Variants in FRY observed in about 807,000 individuals in gnomAD.
FRY encodes the protein protein furry homolog.
Under a neutral mutation model 348.4 loss-of-function variants are expected in FRY, and 128 were observed. The ratio of observed to expected loss-of-function variants is 0.37; its 90% CI spans 0.32 to 0.43. The LOEUF is 0.43. FRY is among the 20% of genes least tolerant of loss of function. The pLI is 1.00. For missense variants in FRY, 2,736 were observed against 3,695.2 expected (o/e 0.74, Z 6.73); for synonymous variants, 1,370 against 1,374.7 (o/e 1.00, Z 0.08).
Position 32,124,693 on chromosome 13 carries a change from T to A in FRY, c.635+12T>A. 6.5e-7 allele frequency: 1 copy of A among 1,541,902 alleles called. No individual in the cohort carries two copies. Reference sequence around the variant, plus strand: ...AAATACAAAGAAGGGTAAGATGATTTCTCACCTTAGAATGTTGAAGTTGGT... The same window carrying A: ...AAATACAAAGAAGGGTAAGATGATTACTCACCTTAGAATGTTGAAGTTGGT... On this transcript the variant is annotated intron_variant, in intron 6 of 60. Coordinates refer to ENST00000542859, the MANE Select transcript of FRY (RefSeq NM_023037.3).
At chr13:32,178,122 AGG>A in intron 20 of FRY, 53 bp from the exon 21 acceptor site, 1 of 1,592,464 alleles carries the variant, frequency 6.3e-7, no homozygotes, top group Non-Finnish European at 8.6e-7. Flanking sequence ...AGCCTTGATG[AGG>A]ATGGATAACT....
intron 29 of FRY, among the ~76,000 whole-genome samples, chr13:32,199,647 C>T (rs1013371092): frequency 4.6e-5 from 7 of 152,184 alleles, no homozygotes; most frequent in Non-Finnish European, 1.0e-4. Flanking sequence ...AACTTGCAGC[C>T]CTGTGAGTGA....
Position 32,186,375 on chromosome 13 carries a change from T to C in FRY, c.3435T>C (p.Ser1145=), listed in dbSNP as rs777120926. 19 of 1,609,222 alleles carry C rather than the reference T, an allele frequency of 1.2e-5. No individual in the cohort carries two copies. The South Asian group carries it at 2.0e-4, about 17-fold the overall frequency. The change falls in exon 27 of 61, where the codon AGT becomes AGC. Residue 1145 remains serine, a synonymous_variant. Coordinates refer to ENST00000542859, the MANE Select transcript of FRY (RefSeq NM_023037.3). ...TGTTCACTCCTCTGGATCGTTACAG[T>C]GACAGAAATCATCAGATTACAAGAT... ...SIMFTPLDRY[S]DRNHQITRYQ...
chr13:32,073,544 GGTGTGTGT>G (rs35631279), intron 1 of FRY, among the ~76,000 whole-genome samples: 5 of 148,518 alleles, frequency 3.4e-5, no homozygotes, highest in African/African-American at 1.2e-4. Context: ...TATGTGGGCG[GGTGTGTGT>G]GTGTGTGTGT....
At chr13:32,076,991 A>T (rs1187099316) in intron 1 of FRY, among the ~76,000 whole-genome samples, 2 of 152,258 alleles carry the variant, frequency 1.3e-5, no homozygotes, top group East Asian at 3.8e-4. Context: ...CAAACTGATC[A>T]GTGAGGACTG....
Position 32,068,015 on chromosome 13 carries a change from C to T in FRY, c.71-10819C>T, listed in dbSNP as rs572427109. ...ATCACCTGGGGACTGGTTAGAAATGCAGACTCTCCAGTCTCACCCCAGACT... is the reference window on the plus strand; with the variant it reads ...ATCACCTGGGGACTGGTTAGAAATGTAGACTCTCCAGTCTCACCCCAGACT... On this transcript the variant is annotated intron_variant, in intron 1 of 60. Coordinates refer to ENST00000542859, the MANE Select transcript of FRY (RefSeq NM_023037.3). Among the ~76,000 whole-genome samples the T allele has an allele frequency of 8.5e-5, 13 of 152,214 alleles. No individual in the cohort carries two copies. In the South Asian group the frequency reaches 2.7e-3, roughly 32 times the overall value.
chr13:32,226,008 A>C (rs45612031), intron 39 of FRY, 34 bp downstream of exon 39: 59,925 of 1,594,388 alleles, frequency 0.038, 1,254 homozygotes, highest in Middle Eastern at 0.046. Context: ...AGCCTAGGAC[A>C]GTTACAAATG....
At chr13:32,118,570 AT>A (rs1007977475) in intron 4 of FRY, among the ~76,000 whole-genome samples, 3 of 151,904 alleles carry the variant, frequency 2.0e-5, no homozygotes, top group Non-Finnish European at 2.9e-5. Flanking sequence ...TTCGTATTGA[AT>A]TTTTTTTAGT....
chr13:32,178,585 A>T, intron 21 of FRY, 149 bp downstream of exon 21: 1 of 960,584 alleles, frequency 1.0e-6, no homozygotes, highest in Non-Finnish European at 1.6e-6. Flanking sequence ...ACATTAAAAA[A>T]ATTTTGTCTA....
At chr13:32,283,210 C>T (rs1888899739) in intron 58 of FRY, among the ~76,000 whole-genome samples, 1 of 151,986 alleles carries the variant, frequency 6.6e-6, no homozygotes, top group Non-Finnish European at 1.5e-5. Flanking sequence ...AAACAGAATT[C>T]CTGGTGTCTC....
rs902869823 is a variant in FRY, at chr13:32,041,381, C to G, written c.70+9516C>G. 2.1e-5 allele frequency among the ~76,000 whole-genome samples: 3 copies of G among 144,288 alleles called. No homozygotes were observed. The Admixed American group carries it at 2.2e-4, about 11-fold the overall frequency. 94.7% of individuals were successfully genotyped at this position (144,288 alleles called of 152,430 possible). A position where few individuals can be genotyped will look rare whatever the true frequency, so the allele number is the denominator to read the frequency against. On this transcript the variant is annotated intron_variant, in intron 1 of 60. Coordinates refer to ENST00000542859, the MANE Select transcript of FRY (RefSeq NM_023037.3). ...CAATCTGGGCTCACAGAAACCTCTG[C>G]GTCCTGGGTTCAAGCAATTCTTCTG... is the stretch of plus-strand genomic sequence containing the variant.
intron 11 of FRY, among the ~76,000 whole-genome samples, chr13:32,143,601 GC>G (rs1566094335): frequency 6.6e-6 from 1 of 152,068 alleles, no homozygotes; most frequent in African/African-American, 2.4e-5. Flanking sequence ...GATGATACTT[GC>G]CTTCCTCATC....
intron 35 of FRY, among the ~76,000 whole-genome samples, chr13:32,215,649 G>A (rs1303790011): frequency 6.6e-5 from 10 of 152,104 alleles, no homozygotes; most frequent in South Asian, 2.1e-4. Flanking sequence ...AGCTTACTGC[G>A]GGCTCAGCCT....
intron 28 of FRY, among the ~76,000 whole-genome samples, chr13:32,189,872 ATTG>A (rs1350158942): frequency 6.6e-6 from 1 of 152,070 alleles, no homozygotes; most frequent in African/African-American, 2.4e-5. Flanking sequence ...CATTCATGAG[ATTG>A]TCTCTAATAC....
chr13:32,196,941 G>C (rs1883712412), intron 29 of FRY, among the ~76,000 whole-genome samples: 1 of 152,110 alleles, frequency 6.6e-6, no homozygotes, highest in Non-Finnish European at 1.5e-5. Context: ...GAATAAGATA[G>C]ATAAGGAAAT....
Position 32,155,475 on chromosome 13 carries a change from A to G in FRY, c.1480-16A>G. ...TTGGGCCTTTCCTTTTGTCATGACA[A>G]TATTGTCTCTTACAGAGAATGAACA... On this transcript the variant is annotated splice_polypyrimidine_tract_variant and intron_variant, in intron 14 of 60. Coordinates refer to ENST00000542859, the MANE Select transcript of FRY (RefSeq NM_023037.3). The G allele has an allele frequency of 6.2e-7, 1 of 1,600,178 alleles. No homozygotes were observed. Among genetic ancestry groups the G allele is most frequent in the East Asian group, 2.2e-5 (1 of 44,804 alleles).
chr13:32,283,896 T>C (rs1289999639), intron 58 of FRY, among the ~76,000 whole-genome samples: 1 of 152,244 alleles, frequency 6.6e-6, no homozygotes, highest in Non-Finnish European at 1.5e-5. Context: ...CTAATGATTT[T>C]GGTTTCCACC....
At chr13:32,104,387 C>T (rs543887434) in intron 3 of FRY, among the ~76,000 whole-genome samples, 28 of 152,286 alleles carry the variant, frequency 1.8e-4, no homozygotes, top group African/African-American at 5.3e-4. Flanking sequence ...TTAGCCTGGC[C>T]CCAGAACTGC....
intron 11 of FRY, among the ~76,000 whole-genome samples, chr13:32,141,747 C>G (rs1880087919): frequency 6.6e-6 from 1 of 152,164 alleles, no homozygotes; most frequent in Non-Finnish European, 1.5e-5. Context: ...CACTTGTTCC[C>G]ATTAACTCTG....
Sources: allele counts gnomAD v4.1 joint callset (sites outside exome capture counted in the v4.1 genomes callset), GRCh38; gene constraint gnomAD v4.1.1; transcripts MANE v1.5; gene names NCBI Gene and HGNC (gene_info 2026-07-23, HGNC 2026-07-21).